The following SEMA3A variants were observed in gnomAD, a reference collection of about 807,000 sequenced individuals.
SEMA3A encodes the protein semaphorin-3A.
SEMA3A carries 29 observed loss-of-function variants against 97.9 expected under a neutral mutation model. That is an observed-to-expected ratio of 0.30 (90% CI 0.22 to 0.40). The LOEUF (loss-of-function observed/expected upper bound fraction) is 0.40, where lower values mean the gene tolerates loss of function less well. Among genes scored for constraint, SEMA3A ranks in the 10% least tolerant of loss-of-function variants. The pLI is 1.00. For missense variants in SEMA3A, 763 were observed against 951.3 expected, an observed-to-expected ratio of 0.80 and a Z score of 2.60; for synonymous variants, 321 against 323.7, an observed-to-expected ratio of 0.99 and a Z score of 0.09.
Position 84,330,616 on chromosome 7 carries a change from C to T in SEMA3A, c.-168-23324G>A, listed in dbSNP as rs564594019. On this transcript the variant is annotated intron_variant, in intron 2 of 3. Transcript: ENST00000424555. ...TACCTAGTTTATTTTTCCTTTACCACCCAAAATAGTCATCTACAATTGACT... is the reference window on the plus strand; with the variant it reads ...TACCTAGTTTATTTTTCCTTTACCATCCAAAATAGTCATCTACAATTGACT... Among the ~76,000 whole-genome samples the T allele has an allele frequency of 2.0e-4, 30 of 152,184 alleles. 1 individual carries two copies. The highest frequency in any genetic ancestry group is 1.6e-3 in the Admixed American group (25 of 15,250).
At chr7:84,024,555 A>G (rs1158973657) in intron 6 of SEMA3A, among the ~76,000 whole-genome samples, 1 of 152,018 alleles carries the variant, frequency 6.6e-6, no homozygotes, top group African/African-American at 2.4e-5. Flanking sequence ...TGCACACCCA[A>G]TGCCCCCCCA....
chr7:84,130,920 G>A (rs1408005122), intron 2 of SEMA3A, among the ~76,000 whole-genome samples: 1 of 151,946 alleles, frequency 6.6e-6, no homozygotes, highest in Non-Finnish European at 1.5e-5. Flanking sequence ...AAAAAGACAA[G>A]TTGTTTTCTC....
intron 7 of SEMA3A, among the ~76,000 whole-genome samples, chr7:84,012,216 G>T (rs1218891955): frequency 6.6e-6 from 1 of 152,052 alleles, no homozygotes; most frequent in Non-Finnish European, 1.5e-5. Flanking sequence ...GAAAAGAGTA[G>T]ATTTTAAGTC....
intron 1 of SEMA3A, among the ~76,000 whole-genome samples, chr7:84,470,753 C>A (rs1006193870): frequency 6.6e-6 from 1 of 151,912 alleles, no homozygotes; most frequent in African/African-American, 2.4e-5. Context: ...AGCATTAGCT[C>A]TAGAAGAATA....
chr7:84,218,042 T>C (rs1394613945), intron 3 of SEMA3A, among the ~76,000 whole-genome samples: 1 of 152,148 alleles, frequency 6.6e-6, no homozygotes, highest in Non-Finnish European at 1.5e-5. Context: ...TTGACTTTTA[T>C]CTTTATTTCA....
intron 1 of SEMA3A, among the ~76,000 whole-genome samples, chr7:84,464,824 C>T (rs1400104665): frequency 6.6e-6 from 1 of 152,070 alleles, no homozygotes; most frequent in African/African-American, 2.4e-5. Context: ...AGAAAATAAA[C>T]TTTTCATAAT....
Position 84,008,361 on chromosome 7 carries a change from G to A in SEMA3A, c.996-864C>T, listed in dbSNP as rs1227875613. On this transcript the variant is annotated intron_variant, in intron 9 of 16. Transcript: ENST00000265362. ...AAAAAATTAGCCAGGTGTGGTGGCGGGTGGCTGTAGTCCCAGCTACTCGGG... is the reference window on the plus strand; with the variant it reads ...AAAAAATTAGCCAGGTGTGGTGGCGAGTGGCTGTAGTCCCAGCTACTCGGG... Among the ~76,000 whole-genome samples, 3 of 151,890 alleles carry A rather than the reference G, an allele frequency of 2.0e-5. No homozygotes were observed. The East Asian group carries it at 5.8e-4, about 30-fold the overall frequency.
At chr7:84,428,201 G>A (rs1804877859) in intron 1 of SEMA3A, among the ~76,000 whole-genome samples, 1 of 151,950 alleles carries the variant, frequency 6.6e-6, no homozygotes, top group Non-Finnish European at 1.5e-5. Flanking sequence ...AGATAATAAA[G>A]CAACTTATTT....
chr7:84,259,906 G>A (rs1179005536), intron 3 of SEMA3A, among the ~76,000 whole-genome samples: 1 of 152,068 alleles, frequency 6.6e-6, no homozygotes, highest in Non-Finnish European at 1.5e-5. Flanking sequence ...GCCCCTGGCT[G>A]TTCTCTGGAG....
chr7:84,335,408 T>G (rs954098916), intron 2 of SEMA3A, among the ~76,000 whole-genome samples: 1 of 152,166 alleles, frequency 6.6e-6, no homozygotes, highest in Non-Finnish European at 1.5e-5. Flanking sequence ...AAATATAGGT[T>G]ATAGTTGTGG....
intron 4 of SEMA3A, among the ~76,000 whole-genome samples, chr7:84,079,818 A>G (rs932037924): frequency 5.2e-5 from 7 of 134,830 alleles, no homozygotes; most frequent in African/African-American, 9.5e-5. Flanking sequence ...ATCTAGAACT[A>G]GAAATACCAT....
chr7:84,428,748 T>C (rs1804891274), intron 1 of SEMA3A, among the ~76,000 whole-genome samples: 1 of 151,992 alleles, frequency 6.6e-6, no homozygotes, highest in African/African-American at 2.4e-5. Flanking sequence ...AAGAAAAACA[T>C]AATAAAACTT....
At chr7:84,489,389 C>T (rs1233963520) in intron 1 of SEMA3A, among the ~76,000 whole-genome samples, 1 of 152,054 alleles carries the variant, frequency 6.6e-6, no homozygotes, top group Non-Finnish European at 1.5e-5. Context: ...TGTCACTAAG[C>T]AAGTCCCTTA....
At chr7:84,210,275 C>T (rs1798595757) in intron 3 of SEMA3A, among the ~76,000 whole-genome samples, 1 of 151,970 alleles carries the variant, frequency 6.6e-6, no homozygotes, top group Non-Finnish European at 1.5e-5. Flanking sequence ...GGTAATTGCT[C>T]AGATAACACA....
At chr7:84,195,513 T>C (rs184442776), upstream of SEMA3A, 11 of 152,042 alleles carry the variant, frequency 7.2e-5, no homozygotes, top group Admixed American at 5.2e-4. Flanking sequence ...TAGAGATCAT[T>C]CCCTCCTCCC....
chr7:84,217,062 T>G (rs1798769351), intron 3 of SEMA3A, among the ~76,000 whole-genome samples: 1 of 152,202 alleles, frequency 6.6e-6, no homozygotes, highest in African/African-American at 2.4e-5. Context: ...AACTGTCACA[T>G]GGAGCAAATA....
intron 1 of SEMA3A, among the ~76,000 whole-genome samples, chr7:84,421,528 C>A (rs1804592324): frequency 1.3e-5 from 2 of 152,034 alleles, no homozygotes; most frequent in African/African-American, 4.8e-5. Flanking sequence ...TGCCTGATTG[C>A]CCTGGCCAGA....
intron 1 of SEMA3A, among the ~76,000 whole-genome samples, chr7:84,380,047 A>G (rs557571822): frequency 2.6e-5 from 4 of 152,338 alleles, no homozygotes; most frequent in East Asian, 1.9e-4. Flanking sequence ...ACATGGCAAT[A>G]TGAGAAATTC....
chr7:84,272,466 GA>G (rs933591589), intron 3 of SEMA3A, among the ~76,000 whole-genome samples: 102 of 152,004 alleles, frequency 6.7e-4, no homozygotes, highest in African/African-American at 2.1e-3. Context: ...TGAAGTAATA[GA>G]AAAAAATTTG....
Sources: gnomAD v4.1 joint callset for allele counts (sites outside exome capture counted in the v4.1 genomes callset) on GRCh38, gnomAD v4.1.1 for gene constraint, MANE v1.5 for transcripts, NCBI Gene and HGNC (gene_info 2026-07-23, HGNC 2026-07-21) for gene names.